SNTG1: variants seen among roughly 807,000 people sequenced by gnomAD.
SNTG1 encodes gamma-1-syntrophin.
In SNTG1, 39 loss-of-function variants were observed where a neutral mutation model predicts 74.7. The ratio of observed to expected loss-of-function variants is 0.52; its 90% CI spans 0.40 to 0.68. SNTG1 has a LOEUF of 0.68. Ranked by LOEUF, SNTG1 falls within the 30% of genes least tolerant of loss-of-function variation. The probability of loss-of-function intolerance (pLI) is 0.00; values close to 1 mark genes in which losing one functional copy is unlikely to be tolerated. For missense variants in SNTG1, 685 were observed against 609.5 expected (o/e 1.12, Z -1.30); for synonymous variants, 254 against 217.1 (o/e 1.17, Z -1.49).
intron 1 of SNTG1, among the ~76,000 whole-genome samples, chr8:50,013,577 C>T (rs1816031484): frequency 6.6e-6 from 1 of 151,636 alleles, no homozygotes; most frequent in Non-Finnish European, 1.5e-5. Flanking sequence ...CAGTAACTAT[C>T]TGGAAAAGTA....
intron 12 of SNTG1, among the ~76,000 whole-genome samples, chr8:50,590,640 A>T (rs1409681619): frequency 1.3e-5 from 2 of 152,152 alleles, no homozygotes; most frequent in African/African-American, 2.4e-5. Context: ...GAGTTAAAAA[A>T]ATTTTAAAGG....
intron 17 of SNTG1, among the ~76,000 whole-genome samples, chr8:50,722,248 C>T (rs2095489561): frequency 6.6e-6 from 1 of 151,948 alleles, no homozygotes; most frequent in Non-Finnish European, 1.5e-5. Flanking sequence ...GATCTCAGCT[C>T]ACTGCAACAT....
chr8:50,207,918 G>C (rs184862013), intron 2 of SNTG1, among the ~76,000 whole-genome samples: 1 of 152,276 alleles, frequency 6.6e-6, no homozygotes, highest in Admixed American at 6.5e-5. Context: ...TGATTGCACT[G>C]TGATCTCAGA....
At chr8:50,707,832 T>C in intron 16 of SNTG1, 1 of 374,322 alleles carries the variant, frequency 2.7e-6, no homozygotes, top group East Asian at 3.8e-5. Flanking sequence ...ATACATCATG[T>C]CGTATATAAA....
intron 13 of SNTG1, among the ~76,000 whole-genome samples, chr8:50,595,261 G>A (rs900981751): frequency 2.0e-5 from 3 of 151,882 alleles, no homozygotes; most frequent in African/African-American, 7.3e-5. Context: ...ATAACACTTG[G>A]TGATAAAATA....
intron 2 of SNTG1, among the ~76,000 whole-genome samples, chr8:50,331,001 T>A (rs1448230479): frequency 6.6e-6 from 1 of 152,220 alleles, no homozygotes; most frequent in Admixed American, 6.5e-5. Context: ...CAGGATATAA[T>A]TCTTTTTTTT....
chr8:50,045,389 A>C (rs1348743884), intron 1 of SNTG1, among the ~76,000 whole-genome samples: 1 of 152,176 alleles, frequency 6.6e-6, no homozygotes, highest in African/African-American at 2.4e-5. Flanking sequence ...GCCAGAAGGA[A>C]AGATGCAACA....
At chr8:50,035,641 AT>A (rs1228554597) in intron 1 of SNTG1, among the ~76,000 whole-genome samples, 23 of 152,256 alleles carry the variant, frequency 1.5e-4, no homozygotes, top group African/African-American at 5.3e-4. Context: ...TTTCAATCCC[AT>A]TTATCAGTTG....
At chr8:50,010,394 A>G (rs1361095662) in intron 1 of SNTG1, among the ~76,000 whole-genome samples, 1 of 152,158 alleles carries the variant, frequency 6.6e-6, no homozygotes, top group East Asian at 1.9e-4. Context: ...CTCTTTGACA[A>G]TTTAATAATT....
intron 12 of SNTG1, among the ~76,000 whole-genome samples, chr8:50,576,646 T>G (rs1305771652): frequency 6.6e-6 from 1 of 152,126 alleles, no homozygotes; most frequent in Non-Finnish European, 1.5e-5. Flanking sequence ...AAGAAATGTT[T>G]TGTAGATTAC....
intron 1 of SNTG1, among the ~76,000 whole-genome samples, chr8:49,945,662 G>T (rs1809113663): frequency 6.6e-6 from 1 of 152,208 alleles, no homozygotes; most frequent in Admixed American, 6.5e-5. Flanking sequence ...CCAGGCTAAA[G>T]GGGCAGCAGT....
At chr8:50,454,239 G>A (rs1413860098) in intron 8 of SNTG1, among the ~76,000 whole-genome samples, 1 of 152,170 alleles carries the variant, frequency 6.6e-6, no homozygotes, top group Non-Finnish European at 1.5e-5. Context: ...GCTCATGCCT[G>A]TAATCCCAGC....
chr8:50,670,422 T>A (rs1490371909), intron 15 of SNTG1, among the ~76,000 whole-genome samples: 1 of 151,846 alleles, frequency 6.6e-6, no homozygotes, highest in Non-Finnish European at 1.5e-5. Context: ...AGCCAAATCT[T>A]GAGGGAACTC....
chr8:50,147,999 T>A (rs750967529), intron 1 of SNTG1, among the ~76,000 whole-genome samples: 47 of 152,116 alleles, frequency 3.1e-4, no homozygotes, highest in Non-Finnish European at 5.7e-4. Flanking sequence ...AAATAGAAGT[T>A]AAATAAAGAT....
chr8:50,667,964 G>T (rs73569444), intron 15 of SNTG1, among the ~76,000 whole-genome samples: 1 of 151,614 alleles, frequency 6.6e-6, no homozygotes, highest in African/African-American at 2.4e-5. Flanking sequence ...TTTAAAAAAC[G>T]TTACAGGCCG....
At chr8:50,146,310 G>A (rs2081863010) in intron 1 of SNTG1, among the ~76,000 whole-genome samples, 1 of 152,134 alleles carries the variant, frequency 6.6e-6, no homozygotes, top group South Asian at 2.1e-4. Context: ...CTGAGGTCAG[G>A]AGTTCGCGAC....
chr8:50,250,585 T>C (rs1446459593), intron 2 of SNTG1, among the ~76,000 whole-genome samples: 1 of 152,078 alleles, frequency 6.6e-6, no homozygotes, highest in African/African-American at 2.4e-5. Flanking sequence ...AAGTTACATA[T>C]AGGGGAATTT....
At position 50,259,270 on chromosome 8, in the gene SNTG1, A is replaced by T. The variant is rs544074611; in HGVS notation, c.-28+86635A>T. ...TCCCAGCAGTTTGAGAGGCTGAGGCATGTGGATCACCTGAGGTCAGGAGTT... is the reference window on the plus strand; with the variant it reads ...TCCCAGCAGTTTGAGAGGCTGAGGCTTGTGGATCACCTGAGGTCAGGAGTT... On this transcript the variant is annotated intron_variant, in intron 2 of 18. Transcript: ENST00000642720. Among the ~76,000 whole-genome samples the T allele has an allele frequency of 1.4e-3, 210 of 152,214 alleles. 2 individuals carry two copies. The highest frequency in any genetic ancestry group is 4.8e-3 in the African/African-American group (200 of 41,538).
chr8:49,972,487 A>T (rs1811785885), intron 1 of SNTG1, among the ~76,000 whole-genome samples: 1 of 152,224 alleles, frequency 6.6e-6, no homozygotes. Context: ...CATCAAAAGC[A>T]ATGGCAACAA....
Sources: gnomAD v4.1 joint callset for allele counts (sites outside exome capture counted in the v4.1 genomes callset) on GRCh38, gnomAD v4.1.1 for gene constraint, MANE v1.5 for transcripts, NCBI Gene and HGNC (gene_info 2026-07-23, HGNC 2026-07-21) for gene names.